GABRG3: variants seen among roughly 807,000 people sequenced by gnomAD.
The protein encoded by GABRG3 is gamma-aminobutyric acid receptor subunit gamma-3.
A neutral mutation model predicts 48.8 loss-of-function variants in GABRG3; 25 were observed. The observed-to-expected ratio is 0.51, with a 90% CI of 0.37 to 0.72. The LOEUF (loss-of-function observed/expected upper bound fraction) is 0.72. Ranked by LOEUF, GABRG3 falls within the 30% of genes least tolerant of loss-of-function variation. GABRG3 has a pLI of 0.00. For synonymous variants in GABRG3, 227 were observed against 217.6 expected (o/e 1.04, Z -0.38); for missense variants, 394 against 577.9 (o/e 0.68, Z 3.26).
chr15:27,263,807 T>A (rs1890834081), intron 3 of GABRG3, among the ~76,000 whole-genome samples: 1 of 151,462 alleles, frequency 6.6e-6, no homozygotes, highest in South Asian at 2.1e-4. Context: ...ACGCCTGTAG[T>A]CCCCGCTGCT....
chr15:27,360,596 G>A (rs778210632), intron 5 of GABRG3, among the ~76,000 whole-genome samples: 14 of 152,146 alleles, frequency 9.2e-5, no homozygotes, highest in African/African-American at 2.9e-4. Context: ...GAGATGGGCC[G>A]GGATGAGGTG....
At chr15:26,991,765 G>C (rs974705703) in intron 2 of GABRG3, among the ~76,000 whole-genome samples, 1 of 151,606 alleles carries the variant, frequency 6.6e-6, no homozygotes, top group Non-Finnish European at 1.5e-5. Context: ...CTTTCACCCA[G>C]GCTGGGGTGC....
intron 3 of GABRG3, among the ~76,000 whole-genome samples, chr15:27,178,260 C>T (rs1253101510): frequency 6.6e-6 from 1 of 152,180 alleles, no homozygotes; most frequent in African/African-American, 2.4e-5. Flanking sequence ...GTGAGTCACA[C>T]CTACCTGGTT....
At chr15:27,465,014 A>G (rs771280930) in intron 5 of GABRG3, among the ~76,000 whole-genome samples, 1 of 152,206 alleles carries the variant, frequency 6.6e-6, no homozygotes, top group Non-Finnish European at 1.5e-5. Flanking sequence ...TGAATAGCTT[A>G]ATTTTCACAA....
intron 5 of GABRG3, among the ~76,000 whole-genome samples, chr15:27,432,441 TG>T (rs372472618): frequency 1.2e-4 from 18 of 152,298 alleles, no homozygotes; most frequent in African/African-American, 3.8e-4. Context: ...GAGCCTTTGG[TG>T]CTCTTTATTT....
intron 3 of GABRG3, among the ~76,000 whole-genome samples, chr15:27,192,238 G>A (rs184593530): frequency 4.2e-4 from 64 of 151,430 alleles, no homozygotes; most frequent in African/African-American, 1.1e-3. Flanking sequence ...TCTTTGTGGC[G>A]TTCTCTGTAT....
chr15:27,111,648 A>G (rs947620762), intron 3 of GABRG3, among the ~76,000 whole-genome samples: 2 of 152,124 alleles, frequency 1.3e-5, no homozygotes, highest in Non-Finnish European at 2.9e-5. Context: ...GCTGTTCTTC[A>G]GAGAGGGTCT....
chr15:27,119,785 C>T (rs1897701226), intron 3 of GABRG3, among the ~76,000 whole-genome samples: 1 of 152,218 alleles, frequency 6.6e-6, no homozygotes, highest in Admixed American at 6.5e-5. Flanking sequence ...TCTCAGCTCC[C>T]AGAGGTGCCA....
intron 3 of GABRG3, among the ~76,000 whole-genome samples, chr15:27,259,554 G>A (rs181315619): frequency 1.3e-5 from 2 of 152,202 alleles, no homozygotes; most frequent in Non-Finnish European, 2.9e-5. Context: ...ACTAATTCCA[G>A]GGCAGCAAGG....
chr15:27,487,487 T>C (rs74006964), intron 6 of GABRG3, among the ~76,000 whole-genome samples: 1 of 152,262 alleles, frequency 6.6e-6, no homozygotes, highest in African/African-American at 2.4e-5. Context: ...CCACACAATA[T>C]GTACTGTAGC....
chr15:27,127,146 T>C (rs1897834890), intron 3 of GABRG3, among the ~76,000 whole-genome samples: 1 of 152,106 alleles, frequency 6.6e-6, no homozygotes, highest in Non-Finnish European at 1.5e-5. Context: ...TGAACACATC[T>C]GTGTATACCA....
intron 3 of GABRG3, among the ~76,000 whole-genome samples, chr15:27,307,363 C>CCATATAGGTTTATATATTTATATTTAAA (rs1892627789): frequency 3.9e-5 from 1 of 25,842 alleles, no homozygotes; most frequent in Non-Finnish European, 9.7e-5. Flanking sequence ...TTATATATAA[C>CCATATAGGTTTATATATTTATATTTAAA]CATATAGGTT....
chr15:27,404,535 G>T (rs72705734), intron 5 of GABRG3, among the ~76,000 whole-genome samples: 7,088 of 152,264 alleles, frequency 0.047, 290 homozygotes, highest in South Asian at 0.19. Context: ...GGGCCCTGGG[G>T]CCCGGCCTGG....
chr15:27,000,088 G>C (rs916381222), intron 2 of GABRG3, among the ~76,000 whole-genome samples: 4 of 152,078 alleles, frequency 2.6e-5, no homozygotes, highest in African/African-American at 7.2e-5. Context: ...CTTCATGTCT[G>C]TTTTGCTAAT....
At position 27,288,549 on chromosome 15, in the gene GABRG3, T is replaced by A. The variant is rs535476492; in HGVS notation, c.271-38260T>A. Among the ~76,000 whole-genome samples the A allele has an allele frequency of 9.2e-5, 14 of 152,104 alleles. No homozygotes were observed. The South Asian group carries it at 2.5e-3, about 27-fold the overall frequency. On this transcript the variant is annotated intron_variant, in intron 3 of 9. Coordinates refer to ENST00000615808, the MANE Select transcript of GABRG3 (RefSeq NM_033223.5). ...TCTAAGAATCTAATGCTGCCACTGA[T>A]CTGACAGGAGGTAGAGCTCAGGCAT...
chr15:27,202,778 G>C (rs373743348), intron 3 of GABRG3, among the ~76,000 whole-genome samples: 77 of 152,078 alleles, frequency 5.1e-4, no homozygotes, highest in African/African-American at 1.8e-3. Context: ...TCAAGGAACT[G>C]CTCTTTGACT....
chr15:27,056,926 G>A (rs1301036354), intron 3 of GABRG3, among the ~76,000 whole-genome samples: 1 of 152,142 alleles, frequency 6.6e-6, no homozygotes, highest in African/African-American at 2.4e-5. Flanking sequence ...TGCAGTGTGT[G>A]CTTGGGTCCT....
At chr15:27,247,937 T>C (rs549894111) in intron 3 of GABRG3, among the ~76,000 whole-genome samples, 15 of 152,222 alleles carry the variant, frequency 9.9e-5, no homozygotes, top group South Asian at 4.2e-4. Flanking sequence ...CAATTGAAGA[T>C]GAGATTTGGG....
chr15:27,263,193 G>A (rs1429134842), intron 3 of GABRG3, among the ~76,000 whole-genome samples: 1 of 152,144 alleles, frequency 6.6e-6, no homozygotes, highest in Non-Finnish European at 1.5e-5. Flanking sequence ...TTACCACTAG[G>A]GCTTATACGG....
Sources: allele counts gnomAD v4.1 joint callset (sites outside exome capture counted in the v4.1 genomes callset), GRCh38; gene constraint gnomAD v4.1.1; transcripts MANE v1.5; gene names NCBI Gene and HGNC (gene_info 2026-07-23, HGNC 2026-07-21).